Variants in SKAP1 observed in about 807,000 individuals in gnomAD.
SKAP1 encodes src kinase-associated phosphoprotein 1.
A neutral mutation model predicts 58.5 loss-of-function variants in SKAP1; 44 were observed. That is an observed-to-expected ratio of 0.75 (90% confidence interval 0.59 to 0.97). The LOEUF (loss-of-function observed/expected upper bound fraction) is 0.97. Ranked by LOEUF, SKAP1 falls within the 50% of genes least tolerant of loss-of-function variation. The probability of loss-of-function intolerance (pLI) is 0.00; values close to 1 mark genes in which losing one functional copy is unlikely to be tolerated. For synonymous variants in SKAP1, 127 were observed against 149.7 expected (o/e 0.85, Z 1.11); for missense variants, 390 against 435.2 (o/e 0.90, Z 0.92).
chr17:48,310,145 C>T (rs917099981), intron 4 of SKAP1, among the ~76,000 whole-genome samples: 1 of 152,192 alleles, frequency 6.6e-6, no homozygotes, highest in Non-Finnish European at 1.5e-5. Flanking sequence ...TTCTTTTATG[C>T]CAGTTCCAGA....
chr17:48,226,821 A>C (rs1317281666), intron 4 of SKAP1, among the ~76,000 whole-genome samples: 1 of 152,170 alleles, frequency 6.6e-6, no homozygotes, highest in African/African-American at 2.4e-5. Flanking sequence ...TAATTTATTC[A>C]AAAGGGATGT....
chr17:48,401,932 A>T (rs2067503762), intron 1 of SKAP1, among the ~76,000 whole-genome samples: 1 of 152,226 alleles, frequency 6.6e-6, no homozygotes, highest in Non-Finnish European at 1.5e-5. Context: ...AGTAATAATA[A>T]GACAAATAGC....
intron 4 of SKAP1, among the ~76,000 whole-genome samples, chr17:48,285,516 G>A (rs575905565): frequency 5.7e-4 from 87 of 152,050 alleles, no homozygotes; most frequent in Middle Eastern, 3.4e-3. Flanking sequence ...TCAGGAGGCT[G>A]AGGCAGGAAA....
intron 4 of SKAP1, among the ~76,000 whole-genome samples, chr17:48,231,408 T>C (rs893150898): frequency 1.3e-5 from 2 of 152,092 alleles, no homozygotes; most frequent in Non-Finnish European, 2.9e-5. Flanking sequence ...TTACACAGCC[T>C]GAAGAAAGAA....
At chr17:48,179,961 G>T in intron 9 of SKAP1, 93 bp downstream of exon 9, 2 of 1,187,992 alleles carry the variant, frequency 1.7e-6, no homozygotes, top group Non-Finnish European at 1.2e-6. Flanking sequence ...GGTTAGATTT[G>T]GCTTCCTTTG....
intron 3 of SKAP1, 46 bp downstream of exon 3, chr17:48,363,743 T>C (rs771468197): frequency 6.6e-7 from 1 of 1,521,610 alleles, no homozygotes; most frequent in East Asian, 2.3e-5. Context: ...ACAATCCCAT[T>C]TACACATTTT....
At chr17:48,395,144 G>A (rs1003657422) in intron 2 of SKAP1, among the ~76,000 whole-genome samples, 4 of 152,174 alleles carry the variant, frequency 2.6e-5, no homozygotes, top group Non-Finnish European at 5.9e-5. Flanking sequence ...TTGCGTGTGT[G>A]TTCATGCATG....
At chr17:48,262,494 G>T (rs759222993) in intron 4 of SKAP1, among the ~76,000 whole-genome samples, 3 of 151,954 alleles carry the variant, frequency 2.0e-5, no homozygotes, top group Non-Finnish European at 4.4e-5. Context: ...TCACTGTTTT[G>T]GGCAATGTGA....
chr17:48,431,770 G>A (rs1181572737), upstream of SKAP1, among the ~76,000 whole-genome samples: 1 of 152,130 alleles, frequency 6.6e-6, no homozygotes, highest in Non-Finnish European at 1.5e-5. Context: ...GATTAGGAGT[G>A]GTGGGAAAAG....
chr17:48,444,608 G>C, the SKAP1 span, among the ~76,000 whole-genome samples: 7 of 152,182 alleles, frequency 4.6e-5, no homozygotes, highest in Non-Finnish European at 1.0e-4. Flanking sequence ...TAAAACTAAA[G>C]CTGTGGTTGC....
chr17:48,213,825 G>A (rs762659476), intron 4 of SKAP1, among the ~76,000 whole-genome samples: 11 of 152,100 alleles, frequency 7.2e-5, no homozygotes, highest in Non-Finnish European at 1.6e-4. Flanking sequence ...ATCAAAATCT[G>A]TCAGTCTATC....
At chr17:48,297,076 T>A (rs1280354928) in intron 4 of SKAP1, among the ~76,000 whole-genome samples, 2 of 152,204 alleles carry the variant, frequency 1.3e-5, no homozygotes, top group Non-Finnish European at 2.9e-5. Context: ...CTCCTTTTGG[T>A]AGGCCTTACC....
chr17:48,176,563 C>T (rs1405299639), intron 9 of SKAP1, among the ~76,000 whole-genome samples: 1 of 152,044 alleles, frequency 6.6e-6, no homozygotes, highest in African/African-American at 2.4e-5. Flanking sequence ...AAATGAGATC[C>T]TAAAAAAATC....
At chr17:48,312,070 T>G (rs1396536795) in intron 4 of SKAP1, among the ~76,000 whole-genome samples, 1 of 152,254 alleles carries the variant, frequency 6.6e-6, no homozygotes, top group African/African-American at 2.4e-5. Flanking sequence ...GAAGTACTTC[T>G]GTATTCTGTT....
intron 1 of SKAP1, among the ~76,000 whole-genome samples, chr17:48,404,531 A>T (rs1027955355): frequency 6.6e-6 from 1 of 152,206 alleles, no homozygotes; most frequent in Admixed American, 6.5e-5. Flanking sequence ...TTAGAAAATG[A>T]ATAGAGAGGA....
chr17:48,243,671 G>A (rs960956883), intron 4 of SKAP1, among the ~76,000 whole-genome samples: 2 of 152,084 alleles, frequency 1.3e-5, no homozygotes, highest in African/African-American at 2.4e-5. Context: ...AAATAAAACC[G>A]AGGAATAAGT....
At chr17:48,367,551 G>GATATATATCCATATATATATATATGT (rs2067022958) in intron 2 of SKAP1, among the ~76,000 whole-genome samples, 2 of 136,656 alleles carry the variant, frequency 1.5e-5, no homozygotes, top group African/African-American at 2.7e-5. Flanking sequence ...TATATATATG[G>GATATATATCCATATATATATATATGT]ATATATATCC....
chr17:48,384,888 G>C (rs1598639687), intron 2 of SKAP1, among the ~76,000 whole-genome samples: 1 of 152,170 alleles, frequency 6.6e-6, no homozygotes, highest in Non-Finnish European at 1.5e-5. Flanking sequence ...CCATGCACAG[G>C]GGAAGCTGTG....
In SKAP1 at chr17:48,134,595, C is replaced by T. The variant is rs1001317233; in HGVS notation, c.*8-779G>A. 3.9e-5 allele frequency among the ~76,000 whole-genome samples: 6 copies of T among 151,996 alleles called. No individual in the cohort carries two copies. In the South Asian group the frequency reaches 8.3e-4, roughly 21 times the overall value. ...CCTCCCAAAGTGCTGGGATTACAGG[C>T]GTGAGCCACTGCGCCTGGCCAGATA... On this transcript the variant is annotated intron_variant, in intron 12 of 12. Transcript: ENST00000336915.
Sources: gnomAD v4.1 joint callset for allele counts (sites outside exome capture counted in the v4.1 genomes callset) on GRCh38, gnomAD v4.1.1 for gene constraint, MANE v1.5 for transcripts, NCBI Gene and HGNC (gene_info 2026-07-23, HGNC 2026-07-21) for gene names.